The following ETV5 variants were observed in gnomAD, a reference collection of about 807,000 sequenced individuals.
ETV5 encodes ETS variant transcription factor 5.
A neutral mutation model predicts 70.0 loss-of-function variants in ETV5; 10 were observed. That is an observed-to-expected ratio of 0.14 (90% confidence interval 0.09 to 0.24). The LOEUF (loss-of-function observed/expected upper bound fraction) is 0.24. ETV5 is among the 10% of genes least tolerant of loss of function. ETV5 has a pLI of 1.00. For missense variants in ETV5, 453 were observed against 651.2 expected (o/e 0.70, Z 3.31); for synonymous variants, 216 against 242.2 (o/e 0.89, Z 1.01).
intron 8 of ETV5, 48 bp downstream of exon 8, chr3:186,065,765 C>G: frequency 6.2e-7 from 1 of 1,611,322 alleles, no homozygotes; most frequent in Non-Finnish European, 8.5e-7. Context: ...AATAACGAGA[C>G]AGAAGAATGC....
rs769575342 is a variant in ETV5, at chr3:186,080,005, C to T, written c.462G>A (p.Gln154=). Residue 154 remains glutamine (Q), a synonymous_variant, in exon 7 of 13, where the codon CAG becomes CAA. Transcript: ENST00000306376. The stretch of plus-strand genomic sequence containing the variant: ...CATGCCCTGAGGTGGGCAGAGTTGC[C>T]TGAGGTGGGGGAAATAGGGGATTCT... ...THQNPLFPPP[Q]ATLPTSGHAP... is the part of the protein sequence containing the mutation. The T allele has an allele frequency of 1.3e-6, 2 of 1,517,570 alleles. No individual in the cohort carries two copies. Among genetic ancestry groups the T allele is most frequent in the Non-Finnish European group, 1.8e-6 (2 of 1,139,372 alleles). The allele number at this position is 1,517,570 out of a possible 1,614,324, so 94.0% of individuals were successfully genotyped here. A position where few individuals can be genotyped will look rare whatever the true frequency, so the allele number is the denominator to read the frequency against.
intron 9 of ETV5, among the ~76,000 whole-genome samples, chr3:186,058,425 G>T (rs540650505): frequency 6.6e-6 from 1 of 152,146 alleles, no homozygotes; most frequent in African/African-American, 2.4e-5. Flanking sequence ...ATGCCCCAGG[G>T]CTCCTGTCTG....
chr3:186,088,641 G>C (rs1037998143), intron 5 of ETV5, among the ~76,000 whole-genome samples: 5 of 152,306 alleles, frequency 3.3e-5, no homozygotes, highest in African/African-American at 1.2e-4. Flanking sequence ...AGAAGGTAGA[G>C]GAAAAGATGA....
At chr3:186,065,412 C>A (rs1713416836) in intron 8 of ETV5, among the ~76,000 whole-genome samples, 2 of 152,184 alleles carry the variant, frequency 1.3e-5, no homozygotes, top group Admixed American at 6.5e-5. Context: ...CATAAAGCAA[C>A]AGGTCTCTCC....
At chr3:186,095,717 T>C (rs1340027007) in intron 5 of ETV5, among the ~76,000 whole-genome samples, 1 of 152,254 alleles carries the variant, frequency 6.6e-6, no homozygotes, top group Non-Finnish European at 1.5e-5. Context: ...GGCTAGTGTA[T>C]GTGTTTAAAA....
chr3:186,106,200 T>C (rs533780940), intron 1 of ETV5, among the ~76,000 whole-genome samples: 1 of 152,050 alleles, frequency 6.6e-6, no homozygotes, highest in Non-Finnish European at 1.5e-5. Flanking sequence ...AAATTACAGA[T>C]TTGCTACTGT....
chr3:186,088,953 T>C (rs1240947378), intron 5 of ETV5, among the ~76,000 whole-genome samples: 2 of 152,334 alleles, frequency 1.3e-5, no homozygotes, highest in Admixed American at 6.5e-5. Flanking sequence ...TTCTACAGTA[T>C]TACCAGAGAG....
At chr3:186,089,218 C>T (rs1714125471) in intron 5 of ETV5, among the ~76,000 whole-genome samples, 1 of 152,192 alleles carries the variant, frequency 6.6e-6, no homozygotes. Context: ...CATGCTCAAA[C>T]TTGTTTAACA....
chr3:186,084,158 A>C (rs1713997619), intron 5 of ETV5: 1 of 433,238 alleles, frequency 2.3e-6, no homozygotes, highest in Non-Finnish European at 4.5e-6. Context: ...GCTTTCAAAA[A>C]TAGTATTTAC....
chr3:186,099,275 A>T (rs1560056466), intron 5 of ETV5, among the ~76,000 whole-genome samples: 2 of 149,784 alleles, frequency 1.3e-5, no homozygotes, highest in Non-Finnish European at 2.9e-5. Flanking sequence ...GCCTAGAGGG[A>T]TAGGACAATG....
In ETV5 at chr3:186,067,159, C is replaced by T. The variant is rs570162935; in HGVS notation, c.651-1087G>A. On this transcript the variant is annotated intron_variant, in intron 7 of 12. Transcript: ENST00000306376. ...AAAATACAAAAAAATTGGCCCAGCA[C>T]GGTGGTGGCTCATGCCTGTAATCCC... Among the ~76,000 whole-genome samples, 190 of 152,006 alleles carry T rather than the reference C, an allele frequency of 1.2e-3. 1 individual carries two copies. Among genetic ancestry groups the T allele is most frequent in the African/African-American group, 3.5e-3 (146 of 41,470 alleles).
Position 186,080,026 on chromosome 3 carries a change from A to C in ETV5, c.441T>G (p.Asn147Lys). Reference protein sequence around the residue: ...PTTPLSPTHQNPLFPPPQATL... With the variant: ...PTTPLSPTHQKPLFPPPQATL... ...TTGCCTGAGGTGGGGGAAATAGGGG[A>C]TTCTGATGGGTGGGTGAGAGGGGGG... is the stretch of plus-strand genomic sequence containing the variant. Residue 147 changes from asparagine to lysine, a missense_variant, in exon 7 of 13, where the codon AAT becomes AAG. Transcript: ENST00000306376. 6.7e-7 allele frequency: 1 copy of C among 1,496,818 alleles called. No individual in the cohort carries two copies. Among genetic ancestry groups the C allele is most frequent in the Non-Finnish European group, 8.9e-7 (1 of 1,127,286 alleles). 92.7% of individuals were successfully genotyped at this position (1,496,818 alleles called of 1,614,324 possible).
At chr3:186,061,337 G>A (rs1054779617) in intron 9 of ETV5, among the ~76,000 whole-genome samples, 1 of 152,142 alleles carries the variant, frequency 6.6e-6, no homozygotes, top group African/African-American at 2.4e-5. Context: ...AGCTCCTCAG[G>A]TAATTCCAAT....
chr3:186,097,931 A>G (rs959028105), intron 5 of ETV5, among the ~76,000 whole-genome samples: 1 of 152,202 alleles, frequency 6.6e-6, no homozygotes, highest in African/African-American at 2.4e-5. Context: ...CCCTCCATTC[A>G]CAACCAATTT....
At chr3:186,069,670 G>A (rs1314217005) in intron 7 of ETV5, among the ~76,000 whole-genome samples, 1 of 152,056 alleles carries the variant, frequency 6.6e-6, no homozygotes, top group African/African-American at 2.4e-5. Context: ...AAGTAGCTGC[G>A]ATTTTTAGTA....
chr3:186,051,778 G>C lies in ETV5; in HGVS notation c.1311+252C>G, dbSNP rs144925495. On this transcript the variant is annotated intron_variant, in intron 12 of 12. Coordinates refer to ENST00000306376, the MANE Select transcript of ETV5 (RefSeq NM_004454.3). ...ATATAGAAGCAGTTTTGGGAAAGCA[G>C]AGAAGCCTAATTTTCTATTGTGTGT... Among the ~76,000 whole-genome samples, 286 of 152,308 alleles carry C rather than the reference G, an allele frequency of 1.9e-3. 1 individual carries two copies. The highest frequency in any genetic ancestry group is 6.4e-3 in the African/African-American group (265 of 41,560).
At chr3:186,055,036 C>T (rs1226212622) in intron 11 of ETV5, among the ~76,000 whole-genome samples, 4 of 152,180 alleles carry the variant, frequency 2.6e-5, no homozygotes, top group South Asian at 2.1e-4. Flanking sequence ...CTGGCATTTA[C>T]GAGCATTCTG....
Position 186,048,306 on chromosome 3 carries a change from G to A in ETV5, c.*333C>T. 2.6e-6 allele frequency: 1 copy of A among 382,518 alleles called. No individual in the cohort carries two copies. The highest frequency in any genetic ancestry group is 4.4e-5 in the East Asian group (1 of 22,824). 23.7% of individuals were successfully genotyped at this position (382,518 alleles called of 1,614,324 possible). The stretch of plus-strand genomic sequence containing the variant: ...ATCGATGCAGATTGTCACATACTAT[G>A]TCCCGTTTTGCGGGTACTAACCTGA... On this transcript the variant is annotated 3_prime_UTR_variant, in exon 13 of 13. Coordinates refer to ENST00000306376, the MANE Select transcript of ETV5 (RefSeq NM_004454.3).
chr3:186,052,306 T>C lies in ETV5; in HGVS notation c.1210-175A>G, dbSNP rs1713051841. The stretch of plus-strand genomic sequence containing the variant: ...AAGACCAAACATTCAACAAAGGCGA[T>C]GATTCAGTGACAACTACTAGGAGGT... On this transcript the variant is annotated intron_variant, in intron 11 of 12. Coordinates refer to ENST00000306376, the MANE Select transcript of ETV5 (RefSeq NM_004454.3). The surrounding 1 kb of genome is among the most constrained non-coding windows in gnomAD (Gnocchi z 4.5). 6.6e-6 allele frequency among the ~76,000 whole-genome samples: 1 copy of C among 152,200 alleles called. No homozygotes were observed. The highest frequency in any genetic ancestry group is 1.5e-5 in the Non-Finnish European group (1 of 68,036).
Sources: gnomAD v4.1 joint callset for allele counts (sites outside exome capture counted in the v4.1 genomes callset) on GRCh38, gnomAD v4.1.1 for gene constraint, Gnocchi (gnomAD v3.1) non-coding constraint, MANE v1.5 for transcripts, NCBI Gene and HGNC (gene_info 2026-07-23, HGNC 2026-07-21) for gene names.